The following FBN3 variants were observed in gnomAD, a reference collection of about 807,000 sequenced individuals.
FBN3 encodes the protein fibrillin 3.
In FBN3, 234 loss-of-function variants were observed where a neutral mutation model predicts 330.1. The ratio of observed to expected loss-of-function variants is 0.71; its 90% confidence interval spans 0.64 to 0.79. The LOEUF (loss-of-function observed/expected upper bound fraction) is 0.79. FBN3 is among the 30% of genes least tolerant of loss of function. The probability of loss-of-function intolerance (pLI) is 0.00; values close to 1 mark genes in which losing one functional copy is unlikely to be tolerated. For synonymous variants in FBN3, 1,458 were observed against 1,517.3 expected, an observed-to-expected ratio of 0.96 and a Z score of 0.91; for missense variants, 3,606 against 3,886.9, an observed-to-expected ratio of 0.93 and a Z score of 1.92.
intron 48 of FBN3, among the ~76,000 whole-genome samples, chr19:8,090,636 A>G (rs1475859789): frequency 1.3e-5 from 2 of 151,844 alleles, no homozygotes; most frequent in African/African-American, 4.8e-5. Context: ...GGCATGTGCC[A>G]CCACACCCGG....
chr19:8,097,219 G>A lies in FBN3; in HGVS notation c.5287+70C>T, dbSNP rs754227788. 250 of 1,551,298 alleles carry A rather than the reference G, an allele frequency of 1.6e-4. 1 individual carries two copies. The highest frequency in any genetic ancestry group is 2.1e-4 in the Non-Finnish European group (236 of 1,139,414). ...GAGGCTTACAGAGTTTTAGTTACTC[G>A]CCCAGATTGCACAGTGGCGGACATG... On this transcript the variant is annotated intron_variant, in intron 42 of 63. Coordinates refer to ENST00000600128, the MANE Select transcript of FBN3 (RefSeq NM_032447.5).
At chr19:8,067,633 T>A (rs554932743) in intron 63 of FBN3, among the ~76,000 whole-genome samples, 3 of 151,820 alleles carry the variant, frequency 2.0e-5, no homozygotes, top group African/African-American at 7.3e-5. Flanking sequence ...GTCTCAAAAA[T>A]ATATATATGT....
intron 14 of FBN3, among the ~76,000 whole-genome samples, chr19:8,132,737 C>G (rs1420932908): frequency 6.6e-6 from 1 of 152,182 alleles, no homozygotes; most frequent in African/African-American, 2.4e-5. Flanking sequence ...AATGATCCAT[C>G]TGCCTCGGCC....
At chr19:8,071,188 T>C (rs1272193864) in intron 63 of FBN3, among the ~76,000 whole-genome samples, 1 of 152,098 alleles carries the variant, frequency 6.6e-6, no homozygotes, top group Non-Finnish European at 1.5e-5. Flanking sequence ...TGACCCATAG[T>C]CAGGGACTCT....
At chr19:8,134,238 T>A (rs964051582) in intron 13 of FBN3, among the ~76,000 whole-genome samples, 1 of 117,668 alleles carries the variant, frequency 8.5e-6, no homozygotes, top group African/African-American at 3.4e-5. Context: ...TGAGACTCCA[T>A]CTCAAAATAA....
intron 16 of FBN3, among the ~76,000 whole-genome samples, chr19:8,130,640 G>GA (rs1555750576): frequency 2.5e-4 from 8 of 31,532 alleles, no homozygotes; most frequent in Admixed American, 1.6e-3. Context: ...AAGAAAGAAA[G>GA]AAAGGAAAGG....
Position 8,095,483 on chromosome 19 carries a change from G to T in FBN3, c.5677C>A (p.Leu1893Met). 1 of 1,613,616 alleles carries T rather than the reference G, an allele frequency of 6.2e-7. No individual in the cohort carries two copies. The highest frequency in any genetic ancestry group is 1.7e-5 in the Admixed American group (1 of 60,004). Residue 1893 changes from leucine to methionine, a missense_variant, in exon 46 of 64, where the codon CTG becomes ATG. Physicochemically the swap from Leu to Met is conservative, Grantham distance 15 (BLOSUM62 2). Transcript: ENST00000600128. ...CCAAATCGGCACACCTGCCCCACCA[G>T]GGTAGTACACTCATCAAAATCTGTA... The part of the protein sequence containing the change: ...DCVDFDECTT[L>M]VGQVCRFGHC...
intron 13 of FBN3, among the ~76,000 whole-genome samples, chr19:8,135,379 G>C (rs576956706): frequency 6.6e-6 from 1 of 152,052 alleles, no homozygotes; most frequent in African/African-American, 2.4e-5. Context: ...CTGGGTTCAG[G>C]CAATTCTCCT....
At position 8,149,128 on chromosome 19, in the gene FBN3, GGGGGC is replaced by G. The variant is rs1276223253; in HGVS notation, c.-18+316_-18+320del. 1.3e-5 allele frequency among the ~76,000 whole-genome samples: 2 copies of G among 152,094 alleles called. No individual in the cohort carries two copies. The highest frequency in any genetic ancestry group is 4.8e-5 in the African/African-American group (2 of 41,434). ...GGATACCAAGCTTCGCCGACGGGGA[GGGGGC>G]GCCCCCGGAGCCCGCGGGGCGCGAT... is the stretch of plus-strand genomic sequence containing the variant. On this transcript the variant is annotated intron_variant, in intron 1 of 63. Transcript: ENST00000600128. This position sits in a 1 kb window ranked among gnomAD's most constrained non-coding sequence, Gnocchi z 5.5.
chr19:8,147,640 C>T (rs72993531), intron 1 of FBN3, 143 bp from the exon 2 acceptor site: 79,278 of 574,096 alleles, frequency 0.14, 5,834 homozygotes, highest in Middle Eastern at 0.19. Flanking sequence ...CAGCCCCAAC[C>T]GGGAAGCGGT....
Position 8,086,335 on chromosome 19 carries a change from G to C in FBN3, c.6755-10C>G. Reference sequence around the variant, plus strand: ...TGGCATTCATTGTCATCTGAGATGGGAGGGGTGAGGCAGGTGGGCGGGGAG... The same window carrying C: ...TGGCATTCATTGTCATCTGAGATGGCAGGGGTGAGGCAGGTGGGCGGGGAG... On this transcript the variant is annotated splice_polypyrimidine_tract_variant and intron_variant, in intron 54 of 63. Transcript: ENST00000600128. 2.5e-6 allele frequency: 4 copies of C among 1,592,950 alleles called. No homozygotes were observed. Among genetic ancestry groups the C allele is most frequent in the Middle Eastern group, 1.7e-4 (1 of 5,974 alleles).
chr19:8,075,927 C>CA (rs2081629086), intron 59 of FBN3, among the ~76,000 whole-genome samples: 1 of 152,146 alleles, frequency 6.6e-6, no homozygotes, highest in Non-Finnish European at 1.5e-5. Flanking sequence ...CGTGTCTCTC[C>CA]AAAATCCTAT....
At chr19:8,070,970 C>T (rs545037181) in intron 63 of FBN3, among the ~76,000 whole-genome samples, 9 of 149,428 alleles carry the variant, frequency 6.0e-5, no homozygotes, top group East Asian at 5.9e-4. Flanking sequence ...TGCGGTCAGC[C>T]GAGATCACGC....
chr19:8,119,210 A>T (rs761030075), intron 25 of FBN3, among the ~76,000 whole-genome samples, 188 bp from the exon 26 acceptor site: 3 of 152,200 alleles, frequency 2.0e-5, no homozygotes, highest in Non-Finnish European at 4.4e-5. Flanking sequence ...AGCAGAGACC[A>T]GCCAGATGGG....
rs774816776 is a variant in FBN3 at position 8,111,708 on chromosome 19, G to C, written c.4024C>G (p.Pro1342Ala). The change falls in exon 32 of 64, where the codon CCT becomes GCT. Residue 1342 changes from proline to alanine, a missense_variant. Transcript: ENST00000600128. ...CGGCAGGTGCAGCGGTAGGAGCCAG[G>C]GACATTGAGACAGTCACCTCTTGGG... ...CSPRGDCLNV[P>A]GSYRCTCRQG... 15 of 1,612,374 alleles carry C rather than the reference G, an allele frequency of 9.3e-6. No individual in the cohort carries two copies. Among genetic ancestry groups the C allele is most frequent in the African/African-American group, 1.3e-5 (1 of 74,774 alleles).
At position 8,109,134 on chromosome 19, in the gene FBN3, C is replaced by G; in HGVS notation, c.4618+93G>C. 1.6e-6 allele frequency: 2 copies of G among 1,277,108 alleles called. No individual in the cohort carries two copies. Among genetic ancestry groups the G allele is most frequent in the Non-Finnish European group, 2.2e-6 (2 of 922,142 alleles). 79.1% of individuals were successfully genotyped at this position (1,277,108 alleles called of 1,614,324 possible). A position where few individuals can be genotyped will look rare whatever the true frequency, so the allele number is the denominator to read the frequency against. ...GTTCTTGGTTTTCCTGTCGCCTAAGCCCCCCACCACCGCCATTAGCAGAGG... is the reference window on the plus strand; with the variant it reads ...GTTCTTGGTTTTCCTGTCGCCTAAGGCCCCCACCACCGCCATTAGCAGAGG... On this transcript the variant is annotated intron_variant, in intron 36 of 63. Coordinates refer to ENST00000600128, the MANE Select transcript of FBN3 (RefSeq NM_032447.5). The surrounding 1 kb of genome is among the most constrained non-coding windows in gnomAD (Gnocchi z 5.2).
chr19:8,129,242 G>C lies in FBN3; in HGVS notation c.2168C>G (p.Thr723Arg). 6.2e-7 allele frequency: 1 copy of C among 1,614,080 alleles called. No homozygotes were observed. Among genetic ancestry groups the C allele is most frequent in the South Asian group, 1.1e-5 (1 of 91,062 alleles). ...YEAGASGKDC[T>R]DVDECALNSL... ...CGCCCGCCAGGTGGCATGCTCACCT[G>C]TGCAGTCCTTGCCTGAGGCACCTGC... The change falls in exon 17 of 64, where the codon ACA becomes AGA. Residue 723 changes from threonine (T) to arginine (R), a missense_variant and splice_region_variant. Physicochemically the swap from Thr to Arg is moderately conservative, Grantham distance 71. Transcript: ENST00000600128. This position sits in a 1 kb window ranked among gnomAD's most constrained non-coding sequence, Gnocchi z 4.5.
At position 8,138,416 on chromosome 19, in the gene FBN3, G is replaced by A. The variant is rs1214465150; in HGVS notation, c.1014C>T (p.Gly338=). The change falls in exon 9 of 64, where the codon GGC becomes GGT. Residue 338 remains glycine, a synonymous_variant. Coordinates refer to ENST00000600128, the MANE Select transcript of FBN3 (RefSeq NM_032447.5). ...CAGGCTGCAGCTCTTACTCACTGGA[G>A]CCCCGAGGAGGACACAGCTCAGGGA... ...GPVPELCPPR[G]SNEFQQLCAQ... is the part of the protein sequence containing the mutation. 1 of 1,611,060 alleles carries A rather than the reference G, an allele frequency of 6.2e-7. No homozygotes were observed. Among genetic ancestry groups the A allele is most frequent in the East Asian group, 2.2e-5 (1 of 44,798 alleles).
At chr19:8,086,423 T>A (rs1040626642) in intron 54 of FBN3, 98 bp from the exon 55 acceptor site, 7 of 569,738 alleles carry the variant, frequency 1.2e-5, no homozygotes, top group Non-Finnish European at 2.0e-5. Flanking sequence ...CCAGGCCCTC[T>A]TGCTTATTTT....
Sources: allele counts gnomAD v4.1 joint callset (sites outside exome capture counted in the v4.1 genomes callset), GRCh38; gene constraint gnomAD v4.1.1; non-coding constraint Gnocchi (gnomAD v3.1); transcripts MANE v1.5; gene names NCBI Gene and HGNC (gene_info 2026-07-23, HGNC 2026-07-21).